CLSTN1: variants seen among roughly 807,000 people sequenced by gnomAD.
CLSTN1 encodes the protein calsyntenin-1.
In CLSTN1, 28 loss-of-function variants were observed where a neutral mutation model predicts 108.3. That is an observed-to-expected ratio of 0.26 (90% confidence interval 0.19 to 0.35). The LOEUF is 0.35. Ranked by LOEUF, CLSTN1 falls within the 10% of genes least tolerant of loss-of-function variation. The pLI, the probability that CLSTN1 is intolerant of heterozygous loss-of-function variation, is 1.00. For missense variants in CLSTN1, 1,157 were observed against 1,302.6 expected (o/e 0.89, Z 1.72); for synonymous variants, 524 against 534.9 (o/e 0.98, Z 0.28).
At chr1:9,757,493 G>A (rs1055791317) in intron 2 of CLSTN1, among the ~76,000 whole-genome samples, 4 of 151,944 alleles carry the variant, frequency 2.6e-5, no homozygotes, top group South Asian at 2.1e-4. Flanking sequence ...CACCCGCCTC[G>A]GCCTCCCAAA....
chr1:9,768,531 G>A (rs1462773671), intron 2 of CLSTN1, among the ~76,000 whole-genome samples: 4 of 113,908 alleles, frequency 3.5e-5, no homozygotes, highest in South Asian at 3.4e-4. Flanking sequence ...GTGTTGGGTG[G>A]CACCATGGGG....
chr1:9,779,211 C>CT (rs1054272274), intron 1 of CLSTN1, among the ~76,000 whole-genome samples: 1 of 152,158 alleles, frequency 6.6e-6, no homozygotes, highest in Admixed American at 6.6e-5. Flanking sequence ...AATAACTTGA[C>CT]TTTGCAATCA....
chr1:9,801,955 A>C (rs1654290878), intron 1 of CLSTN1, among the ~76,000 whole-genome samples: 1 of 152,172 alleles, frequency 6.6e-6, no homozygotes, highest in African/African-American at 2.4e-5. Flanking sequence ...TCAACAAAGC[A>C]AGCAAAAAAA....
chr1:9,808,734 T>C (rs1654610244), intron 1 of CLSTN1, among the ~76,000 whole-genome samples: 1 of 152,086 alleles, frequency 6.6e-6, no homozygotes, highest in African/African-American at 2.4e-5. Flanking sequence ...TGACCAGAAC[T>C]AGCACGGACT....
rs567825525 is a variant in CLSTN1, at chr1:9,823,026, G to A, written c.91+617C>T. Among the ~76,000 whole-genome samples, 80 of 152,294 alleles carry A rather than the reference G, an allele frequency of 5.3e-4. No individual in the cohort carries two copies. The highest frequency in any genetic ancestry group is 1.9e-3 in the African/African-American group (78 of 41,554). On this transcript the variant is annotated intron_variant, in intron 1 of 18. Coordinates refer to ENST00000377298, the MANE Select transcript of CLSTN1 (RefSeq NM_001009566.3). This position sits in a 1 kb window ranked among gnomAD's most constrained non-coding sequence, Gnocchi z 6.3. The stretch of plus-strand genomic sequence containing the variant: ...GAGGGAAGCACTAAGTTTCAGCCTC[G>A]GCTCCACTGGAAACAGACAACGTCT...
chr1:9,784,296 T>C (rs1256314252), intron 1 of CLSTN1, among the ~76,000 whole-genome samples: 13 of 151,448 alleles, frequency 8.6e-5, no homozygotes, highest in Admixed American at 7.9e-4. Context: ...TGAGCAGAGA[T>C]TGTGTCACTT....
At chr1:9,750,840 CAGG>C (rs1328754831) in intron 5 of CLSTN1, among the ~76,000 whole-genome samples, 3 of 151,862 alleles carry the variant, frequency 2.0e-5, no homozygotes, top group Non-Finnish European at 2.9e-5. Context: ...CACCTGAGGT[CAGG>C]AGTTCAAGAC....
intron 5 of CLSTN1, 103 bp downstream of exon 5, chr1:9,751,370 G>A: frequency 9.3e-7 from 1 of 1,080,330 alleles, no homozygotes; most frequent in South Asian, 1.5e-5. Context: ...TCCAACTTGT[G>A]AGTTCCATGA....
intron 2 of CLSTN1, among the ~76,000 whole-genome samples, chr1:9,768,882 G>T (rs1411157191): frequency 7.1e-6 from 1 of 139,922 alleles, no homozygotes; most frequent in Admixed American, 7.4e-5. Context: ...CAAAGCAACA[G>T]AAGAGGGAGG....
At chr1:9,769,099 G>A (rs527381914) in intron 2 of CLSTN1, among the ~76,000 whole-genome samples, 94 of 146,424 alleles carry the variant, frequency 6.4e-4, no homozygotes, top group Non-Finnish European at 1.1e-3. Flanking sequence ...GGGAGGAAGC[G>A]AAGGAGGGAA....
intron 4 of CLSTN1, among the ~76,000 whole-genome samples, chr1:9,753,336 C>A (rs931463280): frequency 1.3e-5 from 2 of 152,114 alleles, no homozygotes; most frequent in African/African-American, 4.8e-5. Flanking sequence ...GGCCACGGAC[C>A]AGTACTGGCC....
intron 9 of CLSTN1, 111 bp from the exon 10 acceptor site, chr1:9,741,367 GA>G: frequency 1.9e-6 from 2 of 1,064,722 alleles, no homozygotes; most frequent in South Asian, 1.6e-5. Flanking sequence ...GGAAAAGGAT[GA>G]AAAAAATCTA....
chr1:9,789,021 G>A (rs1222685545), intron 1 of CLSTN1, among the ~76,000 whole-genome samples: 4 of 150,822 alleles, frequency 2.7e-5, no homozygotes, highest in South Asian at 4.3e-4. Context: ...ATTCCTTTTC[G>A]AGGCTGGATG....
chr1:9,730,787 G>A lies in CLSTN1; in HGVS notation c.2749-82C>T, dbSNP rs896159773. 27 of 1,333,762 alleles carry A rather than the reference G, an allele frequency of 2.0e-5. No homozygotes were observed. Among genetic ancestry groups the A allele is most frequent in the African/African-American group, 1.2e-4 (8 of 68,804 alleles). 82.6% of individuals were successfully genotyped at this position (1,333,762 alleles called of 1,614,324 possible). On this transcript the variant is annotated intron_variant, in intron 18 of 18. Transcript: ENST00000377298. This position sits in a 1 kb window ranked among gnomAD's most constrained non-coding sequence, Gnocchi z 5.6. The stretch of plus-strand genomic sequence containing the variant: ...TGGCATTCTCCTCTCGACAGCCACA[G>A]AGGAAGGAGAACTTGCCCCAGCGTC...
At chr1:9,747,913 AG>A (rs1303358566) in intron 7 of CLSTN1, among the ~76,000 whole-genome samples, 2 of 151,714 alleles carry the variant, frequency 1.3e-5, no homozygotes, top group Non-Finnish European at 2.9e-5. Context: ...GCATGGTGGC[AG>A]GTGCCTGTAG....
intron 11 of CLSTN1, among the ~76,000 whole-genome samples, chr1:9,736,667 A>G (rs765596456): frequency 2.6e-5 from 4 of 152,218 alleles, no homozygotes; most frequent in South Asian, 2.1e-4. Flanking sequence ...AACAGGTTAC[A>G]CTAAACCTTG....
At chr1:9,761,501 A>G (rs1311752858) in intron 2 of CLSTN1, among the ~76,000 whole-genome samples, 3 of 152,166 alleles carry the variant, frequency 2.0e-5, no homozygotes, top group Non-Finnish European at 2.9e-5. Context: ...GACCATGTCT[A>G]AAAATTTTTT....
At chr1:9,757,755 T>A (rs900385723) in intron 2 of CLSTN1, among the ~76,000 whole-genome samples, 1 of 152,140 alleles carries the variant, frequency 6.6e-6, no homozygotes, top group African/African-American at 2.4e-5. Context: ...AGTCAATATA[T>A]ATCCTGCTTA....
chr1:9,808,464 A>G (rs182363242), intron 1 of CLSTN1, among the ~76,000 whole-genome samples: 121 of 152,332 alleles, frequency 7.9e-4, no homozygotes, highest in African/African-American at 2.7e-3. Context: ...TCCACGGGGA[A>G]GATACAATTT....
Sources: allele counts gnomAD v4.1 joint callset (sites outside exome capture counted in the v4.1 genomes callset), GRCh38; gene constraint gnomAD v4.1.1; non-coding constraint Gnocchi (gnomAD v3.1); transcripts MANE v1.5; gene names NCBI Gene and HGNC (gene_info 2026-07-23, HGNC 2026-07-21).